Variants in TLE4 observed in about 807,000 individuals in gnomAD.
TLE4 encodes the protein TLE family member 4, transcriptional corepressor.
Under a neutral mutation model 92.8 loss-of-function variants are expected in TLE4, and 8 were observed. The ratio of observed to expected loss-of-function variants is 0.09; its 90% CI spans 0.05 to 0.16. TLE4 has a LOEUF of 0.16. Among genes scored for constraint, TLE4 ranks in the 10% least tolerant of loss-of-function variants. The pLI is 1.00. For missense variants in TLE4, 675 were observed against 997.6 expected (o/e 0.68, Z 4.36); for synonymous variants, 371 against 374.1 (o/e 0.99, Z 0.10).
At chr9:79,724,301 AC>A (rs1565237179) in intron 19 of TLE4, among the ~76,000 whole-genome samples, 2 of 152,074 alleles carry the variant, frequency 1.3e-5, no homozygotes, top group Non-Finnish European at 2.9e-5. Context: ...TGAGGTGCAG[AC>A]AGGTTAAGTG....
At chr9:79,618,508 T>G (rs2050177143) in intron 5 of TLE4, among the ~76,000 whole-genome samples, 1 of 152,220 alleles carries the variant, frequency 6.6e-6, no homozygotes, top group Admixed American at 6.5e-5. Flanking sequence ...TTCCTAATTC[T>G]CATTTATTAA....
At chr9:79,622,167 G>C (rs2051179295) in intron 5 of TLE4, among the ~76,000 whole-genome samples, 1 of 151,894 alleles carries the variant, frequency 6.6e-6, no homozygotes, top group Admixed American at 6.6e-5. Flanking sequence ...CTAATACTTG[G>C]TTCTTTAAAG....
At chr9:79,682,556 T>C (rs1564883898) in intron 8 of TLE4, among the ~76,000 whole-genome samples, 2 of 152,068 alleles carry the variant, frequency 1.3e-5, no homozygotes, top group Non-Finnish European at 2.9e-5. Flanking sequence ...GTTGTAGTAG[T>C]CGTTTGTCAT....
intron 6 of TLE4, among the ~76,000 whole-genome samples, chr9:79,651,859 T>A (rs1217666523): frequency 6.6e-6 from 1 of 152,202 alleles, no homozygotes; most frequent in African/African-American, 2.4e-5. Flanking sequence ...TTTTCTCAAT[T>A]TTCAGCTTTT....
At chr9:79,586,275 A>G (rs2041066501) in intron 4 of TLE4, among the ~76,000 whole-genome samples, 1 of 151,994 alleles carries the variant, frequency 6.6e-6, no homozygotes, top group Non-Finnish European at 1.5e-5. Flanking sequence ...AGGCAGGAGA[A>G]TCACTTGAAC....
At chr9:79,648,999 T>A (rs547999292) in intron 6 of TLE4, among the ~76,000 whole-genome samples, 1 of 152,158 alleles carries the variant, frequency 6.6e-6, no homozygotes, top group Non-Finnish European at 1.5e-5. Flanking sequence ...AAAGAAAGGC[T>A]GGCCATCGTG....
chr9:79,687,880 T>G (rs1352197698), intron 8 of TLE4, among the ~76,000 whole-genome samples: 1 of 152,190 alleles, frequency 6.6e-6, no homozygotes, highest in Non-Finnish European at 1.5e-5. Context: ...CAAGTGCTTC[T>G]CAAACTTTTA....
chr9:79,621,869 T>C (rs1039917606), intron 5 of TLE4, among the ~76,000 whole-genome samples: 1 of 152,210 alleles, frequency 6.6e-6, no homozygotes, highest in South Asian at 2.1e-4. Context: ...TAATGGCTTC[T>C]ATTAGCCAAA....
At chr9:79,598,395 T>C (rs954147324) in intron 4 of TLE4, among the ~76,000 whole-genome samples, 4 of 152,158 alleles carry the variant, frequency 2.6e-5, no homozygotes, top group African/African-American at 9.7e-5. Context: ...ATACTACCCT[T>C]TCACTTTTTT....
intron 4 of TLE4, among the ~76,000 whole-genome samples, chr9:79,587,422 A>T (rs1021439917): frequency 2.6e-5 from 4 of 152,212 alleles, no homozygotes; most frequent in Non-Finnish European, 5.9e-5. Flanking sequence ...ACTTTGCCAG[A>T]TGATTTATTT....
At chr9:79,588,171 T>C (rs2041652470) in intron 4 of TLE4, among the ~76,000 whole-genome samples, 1 of 151,654 alleles carries the variant, frequency 6.6e-6, no homozygotes, top group Admixed American at 6.6e-5. Context: ...TGTTTTGAGA[T>C]AGAGTCTCGC....
intron 6 of TLE4, among the ~76,000 whole-genome samples, chr9:79,629,293 A>T (rs183995110): frequency 2.1e-3 from 312 of 152,104 alleles, no homozygotes; most frequent in Admixed American, 4.4e-3. Flanking sequence ...TATGTGTTGG[A>T]TGTTGCTTAA....
Position 79,611,936 on chromosome 9 carries a change from T to TAA in TLE4, c.253-698_253-697dup, listed in dbSNP as rs34106000. On this transcript the variant is annotated intron_variant, in intron 4 of 19. Coordinates refer to ENST00000376552, the MANE Select transcript of TLE4 (RefSeq NM_007005.6). ...TGTTGGGACTTTTGCATATCCACAG[T>TAA]AAAAAAAAAAAAAAAAAAAAAAAGT... Among the ~76,000 whole-genome samples the TAA allele has an allele frequency of 3.5e-3, 272 of 78,364 alleles. 2 individuals are homozygous for TAA. Among genetic ancestry groups the TAA allele is most frequent in the Admixed American group, 6.1e-3 (44 of 7,240 alleles). 51.4% of individuals were successfully genotyped at this position (78,364 alleles called of 152,430 possible).
intron 6 of TLE4, among the ~76,000 whole-genome samples, chr9:79,639,469 A>T (rs1044285650): frequency 6.6e-6 from 1 of 152,080 alleles, no homozygotes; most frequent in African/African-American, 2.4e-5. Context: ...TTTTTAAATA[A>T]TTTTTTTGTA....
At chr9:79,628,904 G>C (rs935129246) in intron 6 of TLE4, among the ~76,000 whole-genome samples, 1 of 149,210 alleles carries the variant, frequency 6.7e-6, no homozygotes, top group African/African-American at 2.5e-5. Flanking sequence ...GTGTGTGTGT[G>C]TGTGTATATG....
At chr9:79,618,002 A>G (rs2050065180) in intron 5 of TLE4, among the ~76,000 whole-genome samples, 1 of 152,234 alleles carries the variant, frequency 6.6e-6, no homozygotes, top group Admixed American at 6.5e-5. Flanking sequence ...CTGGCAGGAA[A>G]GAGAAAGGAA....
rs527291061 is a variant in TLE4 at position 79,621,980 on chromosome 9, A to T, written c.316-5394A>T. Among the ~76,000 whole-genome samples, 36 of 152,294 alleles carry T rather than the reference A, an allele frequency of 2.4e-4. 2 individuals carry two copies. The South Asian group carries it at 7.3e-3, about 31-fold the overall frequency. ...AATCTGGTTTACCTCTCTGCCATCC[A>T]CCTTCTTTACTTTTCCCAGATCCAT... On this transcript the variant is annotated intron_variant, in intron 5 of 19. Coordinates refer to ENST00000376552, the MANE Select transcript of TLE4 (RefSeq NM_007005.6).
chr9:79,649,193 G>C (rs538097496), intron 6 of TLE4, among the ~76,000 whole-genome samples: 2 of 151,858 alleles, frequency 1.3e-5, no homozygotes, highest in South Asian at 4.2e-4. Context: ...GGAGGGGCTT[G>C]TTGAAGTGGA....
intron 4 of TLE4, among the ~76,000 whole-genome samples, chr9:79,600,406 G>A (rs975760283): frequency 6.6e-6 from 1 of 152,110 alleles, no homozygotes; most frequent in Non-Finnish European, 1.5e-5. Context: ...GCTTCCCCCA[G>A]CCATTGAAGG....
Sources: gnomAD v4.1 joint callset for allele counts (sites outside exome capture counted in the v4.1 genomes callset) on GRCh38, gnomAD v4.1.1 for gene constraint, MANE v1.5 for transcripts, NCBI Gene and HGNC (gene_info 2026-07-23, HGNC 2026-07-21) for gene names.